PLA2G4E: variants seen among roughly 807,000 people sequenced by gnomAD.
PLA2G4E encodes phospholipase A2 group IVE.
Under a neutral mutation model 109.1 loss-of-function variants are expected in PLA2G4E, and 84 were observed. The observed-to-expected ratio is 0.77, with a 90% CI of 0.65 to 0.92. PLA2G4E has a LOEUF of 0.92. PLA2G4E is among the 40% of genes least tolerant of loss of function. The probability of loss-of-function intolerance (pLI) is 0.00; values close to 1 mark genes in which losing one functional copy is unlikely to be tolerated. For synonymous variants in PLA2G4E, 469 were observed against 436.1 expected (o/e 1.08, Z -0.94); for missense variants, 1,057 against 1,076.6 (o/e 0.98, Z 0.25).
exon 3 of PLA2G4E, chr15:42,007,831 C>T (rs1020448516): frequency 3.1e-6 from 5 of 1,608,264 alleles, no homozygotes; most frequent in Non-Finnish European, 4.2e-6. Flanking sequence ...AGGCGGTGGG[C>T]AGCCAGAGGC....
intron 6 of PLA2G4E, 40 bp from the exon 7 acceptor site, chr15:42,001,260 CA>C: frequency 6.5e-7 from 1 of 1,547,720 alleles, no homozygotes; most frequent in Non-Finnish European, 8.9e-7. Context: ...GTCTGAGCAC[CA>C]GCCACCTCCT....
At chr15:42,044,431 G>C (rs1035932850) in intron 1 of PLA2G4E, among the ~76,000 whole-genome samples, 1 of 152,092 alleles carries the variant, frequency 6.6e-6, no homozygotes, top group Non-Finnish European at 1.5e-5. Flanking sequence ...TCTGGGGCAC[G>C]GTGAGGAAGG....
chr15:41,995,247 C>T, intron 12 of PLA2G4E, 113 bp downstream of exon 12: 1 of 1,390,526 alleles, frequency 7.2e-7, no homozygotes, highest in East Asian at 2.4e-5. Flanking sequence ...ACTTCCCAGG[C>T]TTCAGGAGTC....
At position 42,017,173 on chromosome 15, in the gene PLA2G4E, G is replaced by A. The variant is rs534397716; in HGVS notation, c.184-3416C>T. On this transcript the variant is annotated intron_variant, in intron 1 of 19. Coordinates refer to ENST00000399518, the Ensembl canonical transcript of PLA2G4E. ...GTTTCAGGGCTCTGAACCCAGGTCCGGTGGTCCTCTCGGCCTCACAATCCT... is the reference window on the plus strand; with the variant it reads ...GTTTCAGGGCTCTGAACCCAGGTCCAGTGGTCCTCTCGGCCTCACAATCCT... Among the ~76,000 whole-genome samples, 16 of 152,328 alleles carry A rather than the reference G, an allele frequency of 1.1e-4. No homozygotes were observed. In the South Asian group the frequency reaches 2.9e-3, roughly 28 times the overall value.
exon 11 of PLA2G4E, chr15:41,997,183 C>A (rs368926888): frequency 5.8e-6 from 9 of 1,559,834 alleles, no homozygotes; most frequent in Non-Finnish European, 6.1e-6. Context: ...TTGGCCACCA[C>A]GACCTTCCGC....
chr15:41,988,892 A>G (rs147573491), intron 15 of PLA2G4E, among the ~76,000 whole-genome samples: 1,741 of 152,282 alleles, frequency 0.011, 22 homozygotes, highest in African/African-American at 0.04. Flanking sequence ...ACTAATTTAA[A>G]TAAGGGCGTG....
At chr15:42,042,126 C>T (rs1005032901) in intron 1 of PLA2G4E, among the ~76,000 whole-genome samples, 1 of 152,070 alleles carries the variant, frequency 6.6e-6, no homozygotes, top group African/African-American at 2.4e-5. Context: ...TTGGAAACAA[C>T]CTAGATGATA....
intron 5 of PLA2G4E, among the ~76,000 whole-genome samples, chr15:42,004,393 G>GAA (rs2068452751): frequency 8.3e-6 from 1 of 120,620 alleles, no homozygotes; most frequent in African/African-American, 2.9e-5. Context: ...AGGAAGGGAG[G>GAA]GAGGGAGGGA....
At chr15:42,050,414 A>G in intron 1 of PLA2G4E, 1 of 1,329,298 alleles carries the variant, frequency 7.5e-7, no homozygotes, top group Non-Finnish European at 1.0e-6. Context: ...ATGAACAAAA[A>G]CCACAACCTC....
chr15:42,049,437 A>G (rs1048751024), intron 1 of PLA2G4E, among the ~76,000 whole-genome samples: 2 of 152,128 alleles, frequency 1.3e-5, no homozygotes, highest in African/African-American at 4.8e-5. Flanking sequence ...TGCATTGGGG[A>G]TTAAGTTTCC....
intron 1 of PLA2G4E, among the ~76,000 whole-genome samples, chr15:42,041,483 G>A: frequency 6.6e-6 from 1 of 152,142 alleles, no homozygotes; most frequent in Non-Finnish European, 1.5e-5. Flanking sequence ...GAGCAGACGA[G>A]CCTCCTGGGG....
intron 16 of PLA2G4E, 115 bp from the exon 17 acceptor site, chr15:41,987,490 C>T (rs760519181): frequency 2.2e-5 from 20 of 929,846 alleles, no homozygotes; most frequent in Non-Finnish European, 2.6e-5. Flanking sequence ...AAAAGCAGCT[C>T]ATACCTTCCT....
Position 41,985,835 on chromosome 15 carries a change from T to G in PLA2G4E, c.2202+4A>C, listed in dbSNP as rs1467602339. On this transcript the variant is annotated splice_donor_region_variant and intron_variant, in intron 18 of 19. Coordinates refer to ENST00000399518, the Ensembl canonical transcript of PLA2G4E. Reference sequence around the variant, plus strand: ...CATGCTCAGGAGGGAGGCTGCGCACTTGCCTTTGTCTGGGACCCAGCACAG... The same window carrying G: ...CATGCTCAGGAGGGAGGCTGCGCACGTGCCTTTGTCTGGGACCCAGCACAG... The G allele has an allele frequency of 6.2e-7, 1 of 1,608,180 alleles. No homozygotes were observed. Among genetic ancestry groups the G allele is most frequent in the Non-Finnish European group, 8.5e-7 (1 of 1,177,584 alleles).
At chr15:41,984,057 C>T in intron 19 of PLA2G4E, 83 bp from the exon 20 acceptor site, 2 of 1,238,684 alleles carry the variant, frequency 1.6e-6, no homozygotes, top group Non-Finnish European at 1.1e-6. Context: ...CCAAGGCCCA[C>T]CAACCTGCAC....
intron 12 of PLA2G4E, among the ~76,000 whole-genome samples, chr15:41,993,969 GCTAT>G (rs1283185536): frequency 1.3e-5 from 2 of 150,668 alleles, no homozygotes. Flanking sequence ...AGTTCCTCCT[GCTAT>G]CTGTCTATCG....
chr15:41,982,259 A>C (rs1199926376), exon 20 of PLA2G4E: 2 of 151,850 alleles, frequency 1.3e-5, no homozygotes, highest in Non-Finnish European at 2.9e-5. Context: ...TTCACCTTCT[A>C]TCAGCCTGGG....
At chr15:42,008,570 C>G (rs2141051112) in intron 2 of PLA2G4E, among the ~76,000 whole-genome samples, 1 of 152,276 alleles carries the variant, frequency 6.6e-6, no homozygotes, top group Admixed American at 6.5e-5. Flanking sequence ...GCTGGATATG[C>G]TCTGGAGAAG....
At chr15:41,990,069 C>CAAG (rs1317811887) in intron 14 of PLA2G4E, 52 bp downstream of exon 14, 1 of 1,498,514 alleles carries the variant, frequency 6.7e-7, no homozygotes, top group East Asian at 2.3e-5. Flanking sequence ...TTTTGCCCAC[C>CAAG]AAGAAGTCCC....
rs150214816 is a variant in PLA2G4E at position 42,004,418 on chromosome 15, A to AGGC, written c.566+519_566+520insGCC. Among the ~76,000 whole-genome samples the AGGC allele has an allele frequency of 4.4e-3, 658 of 151,082 alleles. 5 individuals are homozygous for AGGC. Among genetic ancestry groups the AGGC allele is most frequent in the Middle Eastern group, 0.014 (4 of 294 alleles). On this transcript the variant is annotated intron_variant, in intron 5 of 19. Transcript: ENST00000399518. ...GGAGGGAGGGAGGAAAGAAGGAAGG[A>AGGC]AGGCAGGCAGGCAAGAAAGAAGATT...
Sources: allele counts gnomAD v4.1 joint callset (sites outside exome capture counted in the v4.1 genomes callset), GRCh38; gene constraint gnomAD v4.1.1; transcripts MANE v1.5; gene names NCBI Gene and HGNC (gene_info 2026-07-23, HGNC 2026-07-21).